The following CRYBB2 variants were observed in gnomAD, a reference collection of about 807,000 sequenced individuals.
CRYBB2 encodes crystallin beta B2.
A neutral mutation model predicts 24.3 loss-of-function variants in CRYBB2; 12 were observed. The observed-to-expected ratio is 0.49, with a 90% CI of 0.32 to 0.80. CRYBB2 has a LOEUF of 0.80. CRYBB2 is among the 30% of genes least tolerant of loss of function. The probability of loss-of-function intolerance (pLI) is 0.04; values close to 1 mark genes in which losing one functional copy is unlikely to be tolerated. For missense variants in CRYBB2, 198 were observed against 268.5 expected (o/e 0.74, Z 1.83); for synonymous variants, 98 against 101.6 (o/e 0.96, Z 0.21).
chr22:25,216,372 C>T (rs751005093), upstream of CRYBB2, among the ~76,000 whole-genome samples: 27 of 152,204 alleles, frequency 1.8e-4, no homozygotes, highest in Non-Finnish European at 2.9e-4. Context: ...GAAATTTAGA[C>T]ATAGAATCAG....
chr22:25,214,086 TCA>T (rs1935137926), intron 1 of CRYBB2, among the ~76,000 whole-genome samples: 1 of 152,118 alleles, frequency 6.6e-6, no homozygotes, highest in South Asian at 2.1e-4. Context: ...TGACTGAAAC[TCA>T]AGTACTTTGG....
chr22:25,218,830 GAAA>G (rs1935268754), upstream of CRYBB2, among the ~76,000 whole-genome samples: 1 of 109,482 alleles, frequency 9.1e-6, no homozygotes, highest in African/African-American at 4.2e-5. Context: ...AAGAAAGAAA[GAAA>G]GAAAGAGAAA....
intron 2 of CRYBB2, 129 bp from the exon 3 acceptor site, chr22:25,224,789 T>C: frequency 1.3e-6 from 1 of 767,688 alleles, no homozygotes; most frequent in Non-Finnish European, 2.4e-6. Flanking sequence ...GATTTTATGT[T>C]TGATTTGTCA....
chr22:25,227,919 C>T lies in CRYBB2; in HGVS notation c.240C>T (p.Pro80=), dbSNP rs1935450011. 4 of 1,614,012 alleles carry T rather than the reference C, an allele frequency of 2.5e-6. No homozygotes were observed. The highest frequency in any genetic ancestry group is 2.7e-5 in the African/African-American group (2 of 74,918). ...TTGTGTTTGAGAAGGGTGAGTACCC[C>T]CGCTGGGACTCATGGACCAGCAGCC... The part of the protein sequence containing the change: ...EQFVFEKGEY[P]RWDSWTSSRR... Residue 80 remains proline, a synonymous_variant, in exon 4 of 6, where the codon CCC becomes CCT. Coordinates refer to ENST00000398215, the MANE Select transcript of CRYBB2 (RefSeq NM_000496.3).
At chr22:25,216,414 C>G (rs2146081966), upstream of CRYBB2, among the ~76,000 whole-genome samples, 1 of 152,244 alleles carries the variant, frequency 6.6e-6, no homozygotes, top group South Asian at 2.1e-4. Flanking sequence ...TGTGAAGATA[C>G]AGGGAGAAGA....
chr22:25,224,079 G>A (rs1211265825), intron 2 of CRYBB2, among the ~76,000 whole-genome samples: 3 of 149,790 alleles, frequency 2.0e-5, no homozygotes, highest in Non-Finnish European at 3.0e-5. Flanking sequence ...AGCCGAGATC[G>A]CGCCACTGCA....
intron 2 of CRYBB2, among the ~76,000 whole-genome samples, chr22:25,223,830 C>A (rs938464107): frequency 2.6e-5 from 4 of 152,224 alleles, no homozygotes; most frequent in Non-Finnish European, 4.4e-5. Context: ...CTCCAAAATT[C>A]TCACTGGAGG....
intron 3 of CRYBB2, among the ~76,000 whole-genome samples, chr22:25,226,735 G>A (rs548309889): frequency 1.3e-5 from 2 of 152,282 alleles, no homozygotes; most frequent in South Asian, 2.1e-4. Flanking sequence ...GTTCAATGGT[G>A]CGATCTCAAG....
upstream of CRYBB2, among the ~76,000 whole-genome samples, chr22:25,218,401 A>G (rs1935216239): frequency 6.6e-6 from 1 of 151,946 alleles, no homozygotes; most frequent in Non-Finnish European, 1.5e-5. Context: ...TCATGCCTGG[A>G]ATCCCAGCAC....
At chr22:25,218,451 G>T (rs900861428), upstream of CRYBB2, among the ~76,000 whole-genome samples, 10 of 151,590 alleles carry the variant, frequency 6.6e-5, 1 homozygote, top group Non-Finnish European at 1.5e-4. Flanking sequence ...GAGCTCAGGA[G>T]TTTGAGACCA....
chr22:25,214,556 A>T (rs1052913365), intron 1 of CRYBB2, among the ~76,000 whole-genome samples: 187 of 144,618 alleles, frequency 1.3e-3, no homozygotes, highest in African/African-American at 5.4e-3. Flanking sequence ...AAAGAAATAA[A>T]AAGTCTTTTA....
chr22:25,221,163 T>TGCTCTC (rs1052030306), intron 1 of CRYBB2, among the ~76,000 whole-genome samples: 19 of 152,248 alleles, frequency 1.2e-4, no homozygotes, highest in African/African-American at 4.6e-4. Flanking sequence ...AGTTTATTAC[T>TGCTCTC]GCTCTCTTTC....
At chr22:25,228,227 A>G (rs1302968318) in intron 4 of CRYBB2, among the ~76,000 whole-genome samples, 3 of 146,984 alleles carry the variant, frequency 2.0e-5, no homozygotes, top group African/African-American at 5.1e-5. Flanking sequence ...TGAGGTTCCA[A>G]TGTGCTTATT....
At chr22:25,217,083 G>A (rs930427739), upstream of CRYBB2, among the ~76,000 whole-genome samples, 3 of 152,092 alleles carry the variant, frequency 2.0e-5, no homozygotes, top group Non-Finnish European at 4.4e-5. Flanking sequence ...CTATGAACAT[G>A]GGTGTGTAAA....
At chr22:25,217,597 G>A (rs556873096), upstream of CRYBB2, among the ~76,000 whole-genome samples, 6 of 152,126 alleles carry the variant, frequency 3.9e-5, no homozygotes, top group Non-Finnish European at 7.4e-5. Flanking sequence ...GATTACAGGC[G>A]TGAGCCGCTG....
At chr22:25,219,714 C>T (rs1935287137) in intron 1 of CRYBB2, 48 bp downstream of exon 1, 1 of 152,206 alleles carries the variant, frequency 6.6e-6, no homozygotes, top group African/African-American at 2.4e-5. Flanking sequence ...CTCATCCTCA[C>T]CCCTGTCCGC....
chr22:25,225,660 G>A (rs544105756), intron 3 of CRYBB2, among the ~76,000 whole-genome samples: 30 of 152,280 alleles, frequency 2.0e-4, no homozygotes, highest in African/African-American at 3.1e-4. Flanking sequence ...AGTTTCTCTC[G>A]TCACTCCTTC....
At chr22:25,218,706 GGGAGAGAGA>G (rs1935228299), upstream of CRYBB2, among the ~76,000 whole-genome samples, 2 of 37,952 alleles carry the variant, frequency 5.3e-5, no homozygotes, top group African/African-American at 3.8e-4. Flanking sequence ...GAGAGAGAGG[GGGAGAGAGA>G]GAGAGAGAGA....
chr22:25,221,628 C>T (rs914991707), intron 2 of CRYBB2, 145 bp downstream of exon 2: 4 of 655,430 alleles, frequency 6.1e-6, no homozygotes, highest in Admixed American at 2.2e-5. Flanking sequence ...TCTACCCACA[C>T]AGTTGGAGCT....
Sources: gnomAD v4.1 joint callset for allele counts (sites outside exome capture counted in the v4.1 genomes callset) on GRCh38, gnomAD v4.1.1 for gene constraint, MANE v1.5 for transcripts, NCBI Gene and HGNC (gene_info 2026-07-23, HGNC 2026-07-21) for gene names.